Variants in ROBO2 observed in about 807,000 individuals in gnomAD.
ROBO2 encodes roundabout homolog 2.
Under a neutral mutation model 160.8 loss-of-function variants are expected in ROBO2, and 53 were observed. The ratio of observed to expected loss-of-function variants is 0.33; its 90% CI spans 0.26 to 0.41. The LOEUF (loss-of-function observed/expected upper bound fraction) is 0.41, where lower values mean the gene tolerates loss of function less well. Among genes scored for constraint, ROBO2 ranks in the 10% least tolerant of loss-of-function variants. The probability of loss-of-function intolerance (pLI) is 1.00; values close to 1 mark genes in which losing one functional copy is unlikely to be tolerated. For missense variants in ROBO2, 1,577 were observed against 1,722.4 expected (o/e 0.92, Z 1.49); for synonymous variants, 664 against 611.7 (o/e 1.09, Z -1.26).
chr3:76,800,183 C>T (rs546723945), intron 2 of ROBO2, among the ~76,000 whole-genome samples: 2 of 152,142 alleles, frequency 1.3e-5, no homozygotes, highest in South Asian at 4.1e-4. Context: ...GAAGAATGAA[C>T]CAAGATGTCC....
chr3:75,960,128 G>A (rs1948857996), intron 2 of ROBO2, among the ~76,000 whole-genome samples: 1 of 151,606 alleles, frequency 6.6e-6, no homozygotes, highest in Admixed American at 6.6e-5. Context: ...GGAAAATTGG[G>A]GTCACTGACT....
chr3:77,236,543 G>T (rs75912930), intron 2 of ROBO2, among the ~76,000 whole-genome samples: 7 of 152,148 alleles, frequency 4.6e-5, no homozygotes, highest in Admixed American at 2.0e-4. Flanking sequence ...ATGGTTGGGG[G>T]TCCTTAAAAT....
intron 2 of ROBO2, among the ~76,000 whole-genome samples, chr3:76,773,815 A>C (rs1419334283): frequency 6.6e-6 from 1 of 150,784 alleles, no homozygotes; most frequent in Non-Finnish European, 1.5e-5. Context: ...AATCCTTGCA[A>C]AATGGCCCTG....
At chr3:76,765,860 G>A (rs1291176225) in intron 2 of ROBO2, among the ~76,000 whole-genome samples, 1 of 151,526 alleles carries the variant, frequency 6.6e-6, no homozygotes. Flanking sequence ...CAAAATAAAA[G>A]GACTGTTTCG....
intron 2 of ROBO2, among the ~76,000 whole-genome samples, chr3:77,326,169 C>T (rs1226965517): frequency 2.0e-5 from 3 of 152,124 alleles, no homozygotes; most frequent in East Asian, 1.9e-4. Context: ...TGATTCCAGT[C>T]GTAAATGGAG....
chr3:77,350,285 G>A (rs573892642), intron 2 of ROBO2, among the ~76,000 whole-genome samples: 28 of 152,052 alleles, frequency 1.8e-4, no homozygotes, highest in African/African-American at 6.5e-4. Context: ...GAGCCCAGGA[G>A]GTTGAGGCTG....
intron 2 of ROBO2, among the ~76,000 whole-genome samples, chr3:77,240,147 C>T (rs984085558): frequency 7.2e-5 from 11 of 152,232 alleles, no homozygotes; most frequent in South Asian, 2.1e-4. Flanking sequence ...CATGGGGCGG[C>T]GCCCGTCGGG....
At chr3:76,598,241 C>T (rs1157257428) in intron 2 of ROBO2, among the ~76,000 whole-genome samples, 1 of 151,442 alleles carries the variant, frequency 6.6e-6, no homozygotes, top group African/African-American at 2.4e-5. Flanking sequence ...AAATGGAGAA[C>T]AGAATAGTGG....
intron 2 of ROBO2, among the ~76,000 whole-genome samples, chr3:76,912,858 C>T (rs2076075896): frequency 6.6e-6 from 1 of 152,118 alleles, no homozygotes; most frequent in Non-Finnish European, 1.5e-5. Flanking sequence ...CGAATTACTA[C>T]GTTCACTCTT....
intron 2 of ROBO2, among the ~76,000 whole-genome samples, chr3:76,765,577 A>T (rs1239976720): frequency 6.6e-6 from 1 of 151,620 alleles, no homozygotes; most frequent in Non-Finnish European, 1.5e-5. Context: ...TTCTCTTGGC[A>T]CACTCACTGT....
intron 2 of ROBO2, among the ~76,000 whole-genome samples, chr3:76,948,900 ATATATATATTTTTTT>A (rs1482151822): frequency 9.5e-5 from 4 of 41,920 alleles, no homozygotes; most frequent in Non-Finnish European, 1.6e-4. Context: ...ATATATATAT[ATATATATATTTTTTT>A]TTTTTTTTTT....
At chr3:76,185,021 AC>A (rs960000281) in intron 2 of ROBO2, among the ~76,000 whole-genome samples, 2 of 151,156 alleles carry the variant, frequency 1.3e-5, no homozygotes, top group African/African-American at 4.9e-5. Flanking sequence ...TCACAGACAT[AC>A]CCCCAGATAA....
At chr3:76,686,061 C>T (rs1032450791) in intron 2 of ROBO2, among the ~76,000 whole-genome samples, 3 of 151,726 alleles carry the variant, frequency 2.0e-5, no homozygotes, top group Non-Finnish European at 2.9e-5. Context: ...TTCCTTATCA[C>T]TGAAAGCATG....
chr3:76,662,777 G>A (rs531407906), intron 2 of ROBO2, among the ~76,000 whole-genome samples: 2 of 152,238 alleles, frequency 1.3e-5, no homozygotes, highest in East Asian at 3.9e-4. Flanking sequence ...GAGGAGTCAG[G>A]AAGGAAAACA....
chr3:76,894,905 A>G (rs1290119405), intron 2 of ROBO2, among the ~76,000 whole-genome samples: 1 of 152,136 alleles, frequency 6.6e-6, no homozygotes, highest in Non-Finnish European at 1.5e-5. Context: ...CTTGCATGGA[A>G]GAACCAAGAT....
chr3:75,938,934 A>G (rs1469026806), intron 2 of ROBO2, among the ~76,000 whole-genome samples: 1 of 152,172 alleles, frequency 6.6e-6, no homozygotes, highest in Non-Finnish European at 1.5e-5. Flanking sequence ...TTTAATACAC[A>G]TAGTAGTTTT....
intron 2 of ROBO2, among the ~76,000 whole-genome samples, chr3:76,049,341 G>A (rs1016492570): frequency 6.9e-6 from 1 of 144,992 alleles, no homozygotes; most frequent in Admixed American, 6.9e-5. Context: ...CTCTGGAGTA[G>A]CTGAGACCAC....
intron 20 of ROBO2, 121 bp downstream of exon 21, chr3:77,602,612 A>T (rs1030640349): frequency 2.5e-5 from 30 of 1,184,818 alleles, no homozygotes; most frequent in Non-Finnish European, 3.2e-5. Flanking sequence ...AACTAAAAAA[A>T]GATACCAGCA....
At chr3:76,804,511 C>T (rs981008608) in intron 2 of ROBO2, among the ~76,000 whole-genome samples, 1 of 152,058 alleles carries the variant, frequency 6.6e-6, no homozygotes, top group Non-Finnish European at 1.5e-5. Flanking sequence ...GTGGACTTAC[C>T]TTGTGCCACT....
Sources: gnomAD v4.1 joint callset for allele counts (sites outside exome capture counted in the v4.1 genomes callset) on GRCh38, gnomAD v4.1.1 for gene constraint, MANE v1.5 for transcripts, NCBI Gene and HGNC (gene_info 2026-07-23, HGNC 2026-07-21) for gene names.